GULP1: variants seen among roughly 807,000 people sequenced by gnomAD.
The protein encoded by GULP1 is PTB domain-containing engulfment adapter protein 1.
In GULP1, 19 loss-of-function variants were observed where a neutral mutation model predicts 40.9. The observed-to-expected ratio is 0.46, with a 90% confidence interval of 0.32 to 0.68. GULP1 has a LOEUF of 0.68. Among genes scored for constraint, GULP1 ranks in the 30% least tolerant of loss-of-function variants. The pLI is 0.03. For synonymous variants in GULP1, 119 were observed against 117.6 expected, an observed-to-expected ratio of 1.01 and a Z score of -0.08; for missense variants, 312 against 362.2, an observed-to-expected ratio of 0.86 and a Z score of 1.12.
intron 2 of GULP1, among the ~76,000 whole-genome samples, chr2:188,462,316 G>A (rs2059773823): frequency 6.6e-6 from 1 of 152,058 alleles, no homozygotes; most frequent in Admixed American, 6.6e-5. Context: ...TTTTTTGAAT[G>A]TTTTAAAACT....
chr2:188,592,214 GA>G (rs1703701057), intron 11 of GULP1: 2 of 151,970 alleles, frequency 1.3e-5, no homozygotes, highest in South Asian at 4.1e-4. Flanking sequence ...TTTACTAGCA[GA>G]ATGAACTGAT....
At chr2:188,353,779 A>G (rs1355947662) in intron 1 of GULP1, among the ~76,000 whole-genome samples, 1 of 151,688 alleles carries the variant, frequency 6.6e-6, no homozygotes, top group Non-Finnish European at 1.5e-5. Context: ...GGTGCCCTGT[A>G]TCCCAGAGAA....
At chr2:188,303,156 C>G (rs1029495259) in intron 1 of GULP1, among the ~76,000 whole-genome samples, 16 of 152,152 alleles carry the variant, frequency 1.1e-4, no homozygotes, top group African/African-American at 3.6e-4. Flanking sequence ...TTGACCTGAC[C>G]CAGCCTTTAC....
At chr2:188,481,093 A>T (rs146170894) in intron 3 of GULP1, among the ~76,000 whole-genome samples, 33 of 152,112 alleles carry the variant, frequency 2.2e-4, no homozygotes, top group Non-Finnish European at 3.4e-4. Context: ...ATCAGAGTAC[A>T]TTGATATTTG....
At chr2:188,456,126 C>T (rs78339950) in intron 2 of GULP1, among the ~76,000 whole-genome samples, 14 of 152,134 alleles carry the variant, frequency 9.2e-5, no homozygotes, top group Non-Finnish European at 1.6e-4. Flanking sequence ...AGAGCTTAAA[C>T]GTTTGGAAAA....
intron 1 of GULP1, among the ~76,000 whole-genome samples, chr2:188,345,198 T>C (rs954822231): frequency 2.6e-5 from 4 of 152,306 alleles, no homozygotes; most frequent in Middle Eastern, 3.4e-3. Flanking sequence ...CTCCTCTCCA[T>C]GCAGTTACGC....
intron 4 of GULP1, among the ~76,000 whole-genome samples, chr2:188,510,014 A>G (rs2153194697): frequency 6.6e-6 from 1 of 152,244 alleles, no homozygotes; most frequent in African/African-American, 2.4e-5. Context: ...ACGATAATCC[A>G]GTGTCTCAGA....
intron 2 of GULP1, among the ~76,000 whole-genome samples, chr2:188,467,242 G>A (rs1458605229): frequency 6.6e-6 from 1 of 152,196 alleles, no homozygotes; most frequent in East Asian, 1.9e-4. Context: ...ACAAAGAGTA[G>A]AGAGTTCTTG....
chr2:188,505,865 T>C (rs1246712761), intron 4 of GULP1, among the ~76,000 whole-genome samples: 1 of 151,896 alleles, frequency 6.6e-6, no homozygotes. Context: ...TTTCAGACTT[T>C]AACCAATTTA....
chr2:188,566,615 G>A (rs1019833047), intron 7 of GULP1, among the ~76,000 whole-genome samples: 1 of 151,610 alleles, frequency 6.6e-6, no homozygotes, highest in Non-Finnish European at 1.5e-5. Context: ...GGCTAACGTG[G>A]TGAAACCCAG....
chr2:188,512,740 C>T lies in GULP1; in HGVS notation c.91-10016C>T, dbSNP rs1238483310. Among the ~76,000 whole-genome samples, 6 of 151,916 alleles carry T rather than the reference C, an allele frequency of 3.9e-5. No homozygotes were observed. In the South Asian group the frequency reaches 8.3e-4, roughly 21 times the overall value. ...TTCCATTTTGAATAATATTTGATAA[C>T]GAGGGTAGAATCCTCAAACTTCCAC... On this transcript the variant is annotated intron_variant, in intron 4 of 11. Transcript: ENST00000409830.
At chr2:188,350,028 G>A (rs968570482) in intron 1 of GULP1, among the ~76,000 whole-genome samples, 4 of 152,010 alleles carry the variant, frequency 2.6e-5, no homozygotes, top group African/African-American at 9.7e-5. Flanking sequence ...TACATATAAG[G>A]GTTTATTTCT....
intron 5 of GULP1, among the ~76,000 whole-genome samples, chr2:188,524,112 A>T (rs1016279001): frequency 6.6e-6 from 1 of 152,222 alleles, no homozygotes; most frequent in Non-Finnish European, 1.5e-5. Flanking sequence ...CATGAATCCA[A>T]CTTCACTACA....
chr2:188,299,334 A>T (rs2035689237), intron 1 of GULP1, among the ~76,000 whole-genome samples: 1 of 152,194 alleles, frequency 6.6e-6, no homozygotes, highest in South Asian at 2.1e-4. Context: ...GAGGAAGTTA[A>T]ACTTTCAAAT....
At chr2:188,516,688 A>ACTCCCAGTTTCTGATTGAGTAGAATTTGG in intron 4 of GULP1, among the ~76,000 whole-genome samples, 1 of 151,894 alleles carries the variant, frequency 6.6e-6, no homozygotes, top group African/African-American at 2.4e-5. Flanking sequence ...GCTGGGCCTC[A>ACTCCCAGTTTCTGATTGAGTAGAATTTGG]CTCCCAGTTT....
chr2:188,340,984 G>A (rs2042891445), intron 1 of GULP1, among the ~76,000 whole-genome samples: 1 of 152,132 alleles, frequency 6.6e-6, no homozygotes, highest in South Asian at 2.1e-4. Context: ...CTCTCTGCCA[G>A]TGGAGCCTGG....
intron 1 of GULP1, among the ~76,000 whole-genome samples, chr2:188,361,333 G>A (rs184274699): frequency 1.1e-3 from 164 of 152,052 alleles, no homozygotes; most frequent in African/African-American, 3.9e-3. Context: ...CCTAAGGCAG[G>A]AATGACTCTG....
At chr2:188,433,860 A>G (rs1414610311) in intron 2 of GULP1, among the ~76,000 whole-genome samples, 1 of 151,744 alleles carries the variant, frequency 6.6e-6, no homozygotes, top group African/African-American at 2.4e-5. Context: ...AAAAATTTAC[A>G]TTTTTCCACA....
intron 2 of GULP1, among the ~76,000 whole-genome samples, chr2:188,475,837 T>C (rs1285162719): frequency 6.6e-6 from 1 of 152,116 alleles, no homozygotes; most frequent in African/African-American, 2.4e-5. Context: ...TTCCATTATG[T>C]ATATACAGTC....
Sources: allele counts gnomAD v4.1 joint callset (sites outside exome capture counted in the v4.1 genomes callset), GRCh38; gene constraint gnomAD v4.1.1; transcripts MANE v1.5; gene names NCBI Gene and HGNC (gene_info 2026-07-23, HGNC 2026-07-21).